The following PARPBP variants were observed in gnomAD, a reference collection of about 807,000 sequenced individuals.
The protein encoded by PARPBP is PCNA-interacting partner.
A neutral mutation model predicts 50.0 loss-of-function variants in PARPBP; 52 were observed. That is an observed-to-expected ratio of 1.04 (90% CI 0.83 to 1.31). The LOEUF (loss-of-function observed/expected upper bound fraction) is 1.31, where lower values mean the gene tolerates loss of function less well. PARPBP is among the 50% of genes most tolerant of loss of function. PARPBP has a pLI of 0.00. For synonymous variants in PARPBP, 244 were observed against 232.1 expected, an observed-to-expected ratio of 1.05 and a Z score of -0.47; for missense variants, 697 against 672.0, an observed-to-expected ratio of 1.04 and a Z score of -0.41.
chr12:102,150,376 A>G lies in PARPBP; in HGVS notation c.387+1913A>G, dbSNP rs112802655. The G allele has an allele frequency of 2.5e-3, 970 of 392,502 alleles. 6 individuals carry two copies. The highest frequency in any genetic ancestry group is 0.016 in the African/African-American group (765 of 47,406). 24.3% of individuals were successfully genotyped at this position (392,502 alleles called of 1,614,324 possible). ...TTGCTGAAAGTCTCTTTCAAGGTAC[A>G]TATTAGAATATTCCAAACAGTTTTG... is the stretch of plus-strand genomic sequence containing the variant. On this transcript the variant is annotated intron_variant, in intron 3 of 10. Transcript: ENST00000327680.
chr12:102,125,494 A>G (rs906670429), intron 2 of PARPBP, among the ~76,000 whole-genome samples: 7 of 152,200 alleles, frequency 4.6e-5, no homozygotes, highest in Admixed American at 2.0e-4. Flanking sequence ...TTTTATGGGA[A>G]GGGACTACCG....
chr12:102,197,101 G>A lies in PARPBP; in HGVS notation c.*810G>A. 5 of 1,612,012 alleles carry A rather than the reference G, an allele frequency of 3.1e-6. No individual in the cohort carries two copies. The highest frequency in any genetic ancestry group is 4.2e-6 in the Non-Finnish European group (5 of 1,178,474). On this transcript the variant is annotated 3_prime_UTR_variant, in exon 11 of 11. Coordinates refer to ENST00000327680, the MANE Select transcript of PARPBP (RefSeq NM_017915.5). ...TGGGAAAGCTACAGATCCTTTTAGTGCAAGATAAGGTTTTATAGCCAGATT... is the reference window on the plus strand; with the variant it reads ...TGGGAAAGCTACAGATCCTTTTAGTACAAGATAAGGTTTTATAGCCAGATT...
At chr12:102,153,722 T>C in intron 3 of PARPBP, 147 bp from the exon 4 acceptor site, 3 of 554,902 alleles carry the variant, frequency 5.4e-6, no homozygotes, top group Non-Finnish European at 9.7e-6. Flanking sequence ...CATTATGAAG[T>C]TTAATTATAT....
intron 2 of PARPBP, among the ~76,000 whole-genome samples, chr12:102,136,443 C>T (rs1328897395): frequency 3.3e-5 from 5 of 152,182 alleles, no homozygotes; most frequent in Admixed American, 6.5e-5. Flanking sequence ...ATTTTTTCAA[C>T]AAGCTAAGTG....
Position 102,124,026 on chromosome 12 carries a change from G to C in PARPBP, c.138G>C (p.Ala46=). 1 of 1,534,256 alleles carries C rather than the reference G, an allele frequency of 6.5e-7. No individual in the cohort carries two copies. The highest frequency in any genetic ancestry group is 2.4e-5 in the East Asian group (1 of 40,828). ...TCTTGGCATTGCAGCTTTCTATGGC[G>C]GAGAACAACAAACAGGTTGGTAAAC... ...SMLLALQLSM[A]ENNKQHSGEF... The change falls in exon 2 of 11, where the codon GCG becomes GCC. Residue 46 remains alanine, a synonymous_variant. Transcript: ENST00000327680.
At chr12:102,188,430 G>A (rs191677577) in intron 9 of PARPBP, among the ~76,000 whole-genome samples, 186 of 152,160 alleles carry the variant, frequency 1.2e-3, no homozygotes, top group African/African-American at 3.9e-3. Flanking sequence ...GAGCACACCC[G>A]AGGAAGAGAT....
Position 102,175,617 on chromosome 12 carries a change from C to G in PARPBP, c.956C>G (p.Ser319Cys). 1 of 1,613,534 alleles carries G rather than the reference C, an allele frequency of 6.2e-7. No homozygotes were observed. Among genetic ancestry groups the G allele is most frequent in the Non-Finnish European group, 8.5e-7 (1 of 1,179,542 alleles). Residue 319 changes from serine (S) to cysteine (C), a missense_variant, in exon 7 of 11, where the codon TCT (serine) becomes TGT (cysteine). Physicochemically the swap from Ser to Cys is moderately radical, Grantham distance 112 (BLOSUM62 -1). Coordinates refer to ENST00000327680, the MANE Select transcript of PARPBP (RefSeq NM_017915.5). ...TTGAGGATTAAAAATATTATCAATT[C>G]TCAAGAAGGTGTTGTAGCTCTTAGC... is the stretch of plus-strand genomic sequence containing the variant. Reference protein sequence around the residue: ...LDLRIKNIINSQEGVVALSTT... With the variant: ...LDLRIKNIINCQEGVVALSTT...
chr12:102,163,079 C>G (rs971537688), intron 4 of PARPBP, among the ~76,000 whole-genome samples: 2 of 152,126 alleles, frequency 1.3e-5, no homozygotes, highest in Non-Finnish European at 2.9e-5. Context: ...TATGGATGAC[C>G]AATTGCTCCA....
At chr12:102,193,967 A>T (rs1228888757) in intron 9 of PARPBP, among the ~76,000 whole-genome samples, 1 of 152,042 alleles carries the variant, frequency 6.6e-6, no homozygotes, top group Non-Finnish European at 1.5e-5. Context: ...CAATTGTCTA[A>T]TGCTTCATGT....
rs11111181 is a variant in PARPBP, at chr12:102,147,393, A to G, written c.154-837A>G. ...ATGGAATACTATGCAGCCATGAAAA[A>G]TGATGAGTTCATGTCCTTTGTAGGG... On this transcript the variant is annotated intron_variant, in intron 2 of 10. Transcript: ENST00000327680. Among the ~76,000 whole-genome samples the G allele has an allele frequency of 2.1e-3, 316 of 152,278 alleles. 8 individuals carry two copies. The East Asian group carries it at 0.055, about 27-fold the overall frequency.
intron 1 of PARPBP, 68 bp from the exon 2 acceptor site, chr12:102,123,818 A>G: frequency 7.6e-6 from 8 of 1,048,986 alleles, no homozygotes; most frequent in East Asian, 2.6e-5. Flanking sequence ...GTGCTTGCCT[A>G]TACATGTTAA....
intron 6 of PARPBP, among the ~76,000 whole-genome samples, chr12:102,173,572 G>A (rs984714419): frequency 5.9e-5 from 9 of 151,894 alleles, no homozygotes; most frequent in Non-Finnish European, 1.3e-4. Flanking sequence ...TTGGATTTCT[G>A]TATCATTACT....
At chr12:102,131,207 C>G (rs1252857141) in intron 2 of PARPBP, among the ~76,000 whole-genome samples, 1 of 152,132 alleles carries the variant, frequency 6.6e-6, no homozygotes, top group Non-Finnish European at 1.5e-5. Context: ...CACCTGTATT[C>G]CCAGCCACTT....
chr12:102,156,679 GC>G (rs1250988891), intron 4 of PARPBP, among the ~76,000 whole-genome samples: 1 of 151,832 alleles, frequency 6.6e-6, no homozygotes, highest in Non-Finnish European at 1.5e-5. Flanking sequence ...TTACTGTGTT[GC>G]CCAGGCTGAA....
At chr12:102,161,467 A>T (rs1418357783) in intron 4 of PARPBP, among the ~76,000 whole-genome samples, 1 of 152,148 alleles carries the variant, frequency 6.6e-6, no homozygotes, top group African/African-American at 2.4e-5. Context: ...AAATTTATGT[A>T]TTAATTTTTC....
intron 6 of PARPBP, among the ~76,000 whole-genome samples, chr12:102,173,285 A>G (rs1268366878): frequency 6.6e-6 from 1 of 152,220 alleles, no homozygotes; most frequent in Non-Finnish European, 1.5e-5. Flanking sequence ...GGGTTTCTCT[A>G]AAAACCTAGT....
rs146300764 is a variant in PARPBP at position 102,123,950 on chromosome 12, G to A, written c.62G>A (p.Arg21His). Reference sequence around the variant, plus strand: ...ATTAAAGAGTTTCGAAAAAATTGGCGTGCTCTTTGTAACTCTGAGAGAACT... The same window carrying A: ...ATTAAAGAGTTTCGAAAAAATTGGCATGCTCTTTGTAACTCTGAGAGAACT... The part of the protein sequence containing the change: ...DMIKEFRKNW[R>H]ALCNSERTTL... Residue 21 changes from arginine (R) to histidine (H), a missense_variant, in exon 2 of 11, where the codon CGT becomes CAT. Coordinates refer to ENST00000327680, the MANE Select transcript of PARPBP (RefSeq NM_017915.5). 1.8e-3 allele frequency: 2,745 copies of A among 1,534,342 alleles called. 2 individuals carry two copies. The highest frequency in any genetic ancestry group is 2.2e-3 in the Non-Finnish European group (2,504 of 1,145,390).
At position 102,196,611 on chromosome 12, in the gene PARPBP, CT is replaced by C. The variant is rs1565911223; in HGVS notation, c.*324del. 1 of 1,480,404 alleles carries C rather than the reference CT, an allele frequency of 6.8e-7. No homozygotes were observed. The highest frequency in any genetic ancestry group is 9.4e-7 in the Non-Finnish European group (1 of 1,059,078). 91.7% of individuals were successfully genotyped at this position (1,480,404 alleles called of 1,614,324 possible). On this transcript the variant is annotated 3_prime_UTR_variant, in exon 11 of 11. Coordinates refer to ENST00000327680, the MANE Select transcript of PARPBP (RefSeq NM_017915.5). The stretch of plus-strand genomic sequence containing the variant: ...TTCTCCTCCCATTGGCAATTAAATG[CT>C]TTTATTTTCTTCTGAAAAGATGATG...
intron 4 of PARPBP, among the ~76,000 whole-genome samples, chr12:102,160,949 A>C (rs900995283): frequency 1.5e-5 from 2 of 133,104 alleles, no homozygotes; most frequent in African/African-American, 6.2e-5. Flanking sequence ...ACATCATCTC[A>C]AAAAAAAAAA....
Sources: gnomAD v4.1 joint callset for allele counts (sites outside exome capture counted in the v4.1 genomes callset) on GRCh38, gnomAD v4.1.1 for gene constraint, MANE v1.5 for transcripts, NCBI Gene and HGNC (gene_info 2026-07-23, HGNC 2026-07-21) for gene names.